PEMT: variants seen among roughly 807,000 people sequenced by gnomAD.
PEMT encodes phospholipid methyltransferase.
In PEMT, 23 loss-of-function variants were observed where a neutral mutation model predicts 27.4. That is an observed-to-expected ratio of 0.84 (90% CI 0.60 to 1.19). PEMT has a LOEUF of 1.19. Among genes scored for constraint, PEMT ranks in the 50% most tolerant of loss-of-function variants. PEMT has a pLI of 0.00. For synonymous variants in PEMT, 137 were observed against 139.1 expected, an observed-to-expected ratio of 0.98 and a Z score of 0.11; for missense variants, 307 against 310.1, an observed-to-expected ratio of 0.99 and a Z score of 0.07.
At chr17:17,516,295 C>T (rs915801301) in intron 3 of PEMT, among the ~76,000 whole-genome samples, 15 of 151,992 alleles carry the variant, frequency 9.9e-5, no homozygotes, top group African/African-American at 3.6e-4. Context: ...CATGTAACTA[C>T]TAAAACAAAA....
intron 2 of PEMT, among the ~76,000 whole-genome samples, 193 bp from the exon 3 acceptor site, chr17:17,522,588 T>C (rs1404214122): frequency 6.6e-6 from 1 of 152,040 alleles, no homozygotes; most frequent in Non-Finnish European, 1.5e-5. Flanking sequence ...CCACAGGGAT[T>C]TTCACACTTG....
chr17:17,517,207 G>A (rs923961030), intron 3 of PEMT, among the ~76,000 whole-genome samples: 7 of 152,236 alleles, frequency 4.6e-5, no homozygotes, highest in South Asian at 2.1e-4. Flanking sequence ...CAAAGACCCC[G>A]CCCCCGCATC....
At chr17:17,522,819 C>T (rs910363554) in intron 2 of PEMT, among the ~76,000 whole-genome samples, 1 of 152,180 alleles carries the variant, frequency 6.6e-6, no homozygotes, top group African/African-American at 2.4e-5. Context: ...CCCATGGCTG[C>T]AGGAGCACGC....
At chr17:17,589,524 C>T (rs139945728) in intron 1 of PEMT, among the ~76,000 whole-genome samples, 55 of 152,276 alleles carry the variant, frequency 3.6e-4, no homozygotes, top group Middle Eastern at 3.4e-3. Context: ...TTTCTTCTCA[C>T]TAATTTAACA....
intron 3 of PEMT, among the ~76,000 whole-genome samples, chr17:17,514,292 G>A (rs12373156): frequency 0.016 from 2,511 of 152,360 alleles, 25 homozygotes; most frequent in Non-Finnish European, 0.025. Context: ...AGCTCTTGGG[G>A]AACAGAAGTT....
rs559516016 is a variant in PEMT, at chr17:17,542,908, C to T, written c.205-20513G>A. On this transcript the variant is annotated intron_variant, in intron 2 of 6. Coordinates refer to ENST00000255389, the MANE Select transcript of PEMT (RefSeq NM_148172.3). ...GGGGATGGGCAGTGAAGCTGCCGTT[C>T]CTGCACACTGCCGGGTCTAGAGGAC... Among the ~76,000 whole-genome samples the T allele has an allele frequency of 1.1e-4, 16 of 152,348 alleles. No homozygotes were observed. The South Asian group carries it at 1.7e-3, about 16-fold the overall frequency.
At chr17:17,510,474 C>G (rs1906282392) in intron 4 of PEMT, among the ~76,000 whole-genome samples, 1 of 152,230 alleles carries the variant, frequency 6.6e-6, no homozygotes, top group Admixed American at 6.5e-5. Context: ...CAATGGGCAG[C>G]ATGGGCAGGA....
intron 4 of PEMT, among the ~76,000 whole-genome samples, chr17:17,511,993 C>T (rs1056566038): frequency 2.0e-5 from 3 of 151,006 alleles, no homozygotes; most frequent in African/African-American, 7.3e-5. Context: ...GATAAGGTGC[C>T]TCCACCCCTC....
intron 2 of PEMT, among the ~76,000 whole-genome samples, chr17:17,560,688 T>C (rs971170679): frequency 1.3e-5 from 2 of 152,140 alleles, no homozygotes; most frequent in African/African-American, 2.4e-5. Context: ...GGAATAGCCC[T>C]GCCTAGCCAA....
At chr17:17,507,526 AG>A in intron 5 of PEMT, 1 of 345,812 alleles carries the variant, frequency 2.9e-6, no homozygotes, top group Non-Finnish European at 5.3e-6. Flanking sequence ...ATCCAAGCCC[AG>A]GCTCCAACCC....
intron 2 of PEMT, among the ~76,000 whole-genome samples, chr17:17,567,520 C>T (rs1910906123): frequency 6.6e-6 from 1 of 152,280 alleles, no homozygotes; most frequent in Non-Finnish European, 1.5e-5. Context: ...ATCCCACACT[C>T]ATGTGCCGTG....
chr17:17,510,475 A>C (rs906837681), intron 4 of PEMT, among the ~76,000 whole-genome samples: 7 of 152,220 alleles, frequency 4.6e-5, no homozygotes, highest in Non-Finnish European at 1.0e-4. Context: ...AATGGGCAGC[A>C]TGGGCAGGAG....
At chr17:17,527,968 A>AC (rs943605980) in intron 2 of PEMT, among the ~76,000 whole-genome samples, 14 of 151,698 alleles carry the variant, frequency 9.2e-5, no homozygotes, top group African/African-American at 2.2e-4. Flanking sequence ...CACAGCCAGG[A>AC]CCCCCCCACC....
chr17:17,521,950 C>T (rs1376496762), intron 3 of PEMT, among the ~76,000 whole-genome samples: 2 of 152,186 alleles, frequency 1.3e-5, no homozygotes, highest in African/African-American at 4.8e-5. Flanking sequence ...AGCCAGCATC[C>T]ACCTTCTGAC....
chr17:17,586,210 GAAAGAAAA>G (rs1340037708), intron 1 of PEMT, among the ~76,000 whole-genome samples: 1 of 108,220 alleles, frequency 9.2e-6, no homozygotes, highest in African/African-American at 3.8e-5. Flanking sequence ...AAGAAAGAAA[GAAAGAAAA>G]AGAAAGAAAG....
At chr17:17,576,104 C>T (rs975766787) in intron 2 of PEMT, among the ~76,000 whole-genome samples, 5 of 152,180 alleles carry the variant, frequency 3.3e-5, no homozygotes, top group African/African-American at 1.2e-4. Flanking sequence ...CACCCACTCC[C>T]CCAGCAGGAT....
At chr17:17,553,971 T>TG (rs1909859947) in intron 2 of PEMT, among the ~76,000 whole-genome samples, 2 of 151,484 alleles carry the variant, frequency 1.3e-5, no homozygotes, top group Non-Finnish European at 1.5e-5. Flanking sequence ...AGGGGTGGGG[T>TG]GGGGGGCTCC....
At chr17:17,566,098 A>G (rs1207604834) in intron 2 of PEMT, among the ~76,000 whole-genome samples, 1 of 152,228 alleles carries the variant, frequency 6.6e-6, no homozygotes, top group Non-Finnish European at 1.5e-5. Flanking sequence ...AATGACACAA[A>G]AACTCATGCC....
intron 2 of PEMT, among the ~76,000 whole-genome samples, chr17:17,540,898 A>G (rs1376414634): frequency 6.6e-6 from 1 of 152,206 alleles, no homozygotes; most frequent in Admixed American, 6.5e-5. Flanking sequence ...ATGTTCGCTG[A>G]TTATAAATCT....
Sources: allele counts gnomAD v4.1 joint callset (sites outside exome capture counted in the v4.1 genomes callset), GRCh38; gene constraint gnomAD v4.1.1; transcripts MANE v1.5; gene names NCBI Gene and HGNC (gene_info 2026-07-23, HGNC 2026-07-21).